WASF2: variants seen among roughly 807,000 people sequenced by gnomAD.
WASF2 encodes the protein WASP family member 2.
Under a neutral mutation model 45.0 loss-of-function variants are expected in WASF2, and 14 were observed. The ratio of observed to expected loss-of-function variants is 0.31; its 90% CI spans 0.21 to 0.49. The LOEUF is 0.49. Among genes scored for constraint, WASF2 ranks in the 20% least tolerant of loss-of-function variants. WASF2 has a pLI of 0.99. For missense variants in WASF2, 439 were observed against 636.1 expected, an observed-to-expected ratio of 0.69 and a Z score of 3.33; for synonymous variants, 200 against 236.3, an observed-to-expected ratio of 0.85 and a Z score of 1.41.
chr1:27,432,647 C>CAA (rs558826790), intron 1 of WASF2, among the ~76,000 whole-genome samples: 2,535 of 51,326 alleles, frequency 0.049, 618 homozygotes, highest in African/African-American at 0.2. Flanking sequence ...AACTCTGTCT[C>CAA]AAAAAAAAAA....
chr1:27,455,938 GC>G (rs2017460435), intron 1 of WASF2, among the ~76,000 whole-genome samples: 1 of 152,124 alleles, frequency 6.6e-6, no homozygotes, highest in South Asian at 2.1e-4. Flanking sequence ...GTGCTAAGCA[GC>G]CCTTCTGTCA....
intron 1 of WASF2, among the ~76,000 whole-genome samples, chr1:27,480,885 T>G (rs1468811489): frequency 6.6e-6 from 1 of 151,106 alleles, no homozygotes; most frequent in Non-Finnish European, 1.5e-5. Context: ...GGCAGGCGCC[T>G]GTAGTCCCAG....
In WASF2 at chr1:27,419,133, G is replaced by A. The variant is rs761365846; in HGVS notation, c.131-45C>T. 25 of 1,602,544 alleles carry A rather than the reference G, an allele frequency of 1.6e-5. No individual in the cohort carries two copies. In the South Asian group the frequency reaches 2.0e-4, roughly 13 times the overall value. On this transcript the variant is annotated intron_variant, in intron 2 of 8. Coordinates refer to ENST00000618852, the MANE Select transcript of WASF2 (RefSeq NM_006990.5). ...CAAGTCACTAGTGCATAGAAGTAACGTAAATGGTCACAAAAACTGGCTACT... is the reference window on the plus strand; with the variant it reads ...CAAGTCACTAGTGCATAGAAGTAACATAAATGGTCACAAAAACTGGCTACT...
At position 27,409,970 on chromosome 1, in the gene WASF2, G is replaced by C; in HGVS notation, c.1061C>G (p.Ser354Cys). 6.2e-7 allele frequency: 1 copy of C among 1,613,164 alleles called. No homozygotes were observed. The highest frequency in any genetic ancestry group is 2.2e-5 in the East Asian group (1 of 44,848). Residue 354 changes from serine (S) to cysteine (C), a missense_variant, in exon 8 of 9, where the codon TCT becomes TGT. Coordinates refer to ENST00000618852, the MANE Select transcript of WASF2 (RefSeq NM_006990.5). ...PGTPPPPSPP[S>C]FPPHPDFAAP... ...AGCAAAATCAGGGTGAGGTGGGAAA[G>C]ATGGGGGTGAGGGTGGTGGAGGCGT...
chr1:27,433,356 C>T (rs188074303), intron 1 of WASF2, among the ~76,000 whole-genome samples: 2 of 152,140 alleles, frequency 1.3e-5, no homozygotes, highest in African/African-American at 2.4e-5. Context: ...CACCATTCTA[C>T]GCGTACTGGA....
At chr1:27,429,989 G>A (rs1441045468) in intron 1 of WASF2, among the ~76,000 whole-genome samples, 3 of 152,090 alleles carry the variant, frequency 2.0e-5, no homozygotes, top group Non-Finnish European at 4.4e-5. Flanking sequence ...ACACACCTGG[G>A]CCAAAAGGCT....
rs1333516915 is a variant in WASF2, at chr1:27,405,618, T to C, written c.*2571A>G. The C allele has an allele frequency of 7.2e-6, 1 of 138,006 alleles. No homozygotes were observed. The highest frequency in any genetic ancestry group is 1.6e-5 in the Non-Finnish European group (1 of 64,502). The allele number at this position is 138,006 out of a possible 1,614,324, so 8.5% of individuals were successfully genotyped here. ...AGAAGCCTTTTTTTTTTTTTTTTTT[T>C]TTTTTTTTTTTTTGGTGCATATGCA... On this transcript the variant is annotated 3_prime_UTR_variant, in exon 9 of 9. Coordinates refer to ENST00000618852, the MANE Select transcript of WASF2 (RefSeq NM_006990.5).
chr1:27,465,143 A>G (rs958259600), intron 1 of WASF2, among the ~76,000 whole-genome samples: 2 of 152,220 alleles, frequency 1.3e-5, no homozygotes, highest in Non-Finnish European at 2.9e-5. Flanking sequence ...CTTCTCAAAT[A>G]TCTTTCTAAA....
At chr1:27,488,172 T>A (rs534484926) in intron 1 of WASF2, among the ~76,000 whole-genome samples, 1 of 152,236 alleles carries the variant, frequency 6.6e-6, no homozygotes, top group East Asian at 1.9e-4. Context: ...CCTCTTCCAA[T>A]TTTCTTCTCC....
intron 2 of WASF2, among the ~76,000 whole-genome samples, chr1:27,420,867 T>C (rs114747138): frequency 0.019 from 2,827 of 152,236 alleles, 87 homozygotes; most frequent in African/African-American, 0.064. Context: ...CATAAGAGAC[T>C]GTGCCCAATC....
At chr1:27,421,793 G>A (rs971135866) in intron 2 of WASF2, among the ~76,000 whole-genome samples, 2 of 151,496 alleles carry the variant, frequency 1.3e-5, no homozygotes, top group Admixed American at 6.6e-5. Context: ...TCTAGCCTAG[G>A]TGAGACAGCG....
chr1:27,482,997 C>T (rs1257720240), intron 1 of WASF2, among the ~76,000 whole-genome samples: 1 of 152,062 alleles, frequency 6.6e-6, no homozygotes, highest in African/African-American at 2.4e-5. Context: ...CCTGGTCGGA[C>T]CATGAAATGG....
rs1426963536 is a variant in WASF2, at chr1:27,410,111, C to T, written c.920G>A (p.Gly307Asp). The change falls in exon 8 of 9, where the codon GGC (glycine) becomes GAC (aspartate). Residue 307 changes from glycine (G) to aspartate (D), a missense_variant. Coordinates refer to ENST00000618852, the MANE Select transcript of WASF2 (RefSeq NM_006990.5). This position sits in a 1 kb window ranked among gnomAD's most constrained non-coding sequence, Gnocchi z 4.2. ...CCCGGGTTTAGGGCCTGGTGGAGAGCCTAGAGGAGGAGCTGGTGGTGGATG... is the reference window on the plus strand; with the variant it reads ...CCCGGGTTTAGGGCCTGGTGGAGAGTCTAGAGGAGGAGCTGGTGGTGGATG... ...PSHPPPAPPL[G>D]SPPGPKPGFA... The T allele has an allele frequency of 6.2e-7, 1 of 1,613,562 alleles. No homozygotes were observed.
intron 1 of WASF2, among the ~76,000 whole-genome samples, chr1:27,459,783 C>G (rs891842055): frequency 6.6e-6 from 1 of 152,144 alleles, no homozygotes; most frequent in Non-Finnish European, 1.5e-5. Context: ...TGTCCCACCC[C>G]CTATCACCCT....
chr1:27,451,262 C>A (rs934034791), intron 1 of WASF2, among the ~76,000 whole-genome samples: 3 of 152,006 alleles, frequency 2.0e-5, no homozygotes, highest in Non-Finnish European at 4.4e-5. Flanking sequence ...ATGTTAAGTT[C>A]AAGGTATAAT....
chr1:27,489,913 C>G (rs2018007379), intron 1 of WASF2, 73 bp downstream of exon 1: 1 of 152,170 alleles, frequency 6.6e-6, no homozygotes, highest in Non-Finnish European at 1.5e-5. Context: ...AGACCCTGCA[C>G]GGCTCGGGAA....
At chr1:27,423,860 G>A (rs2016941017) in intron 2 of WASF2, among the ~76,000 whole-genome samples, 1 of 152,138 alleles carries the variant, frequency 6.6e-6, no homozygotes, top group African/African-American at 2.4e-5. Context: ...GGGAGTCTTG[G>A]AGCTCCCCAA....
intron 1 of WASF2, among the ~76,000 whole-genome samples, chr1:27,458,305 TCTTAAAAA>T (rs1205192236): frequency 1.2e-5 from 1 of 80,674 alleles, no homozygotes; most frequent in Non-Finnish European, 2.5e-5. Context: ...AGAGCGAGAT[TCTTAAAAA>T]AAAAAAAAAA....
Position 27,414,689 on chromosome 1 carries a change from T to C in WASF2, c.668+144A>G, listed in dbSNP as rs2016805107. On this transcript the variant is annotated intron_variant, in intron 6 of 8. Coordinates refer to ENST00000618852, the MANE Select transcript of WASF2 (RefSeq NM_006990.5). The surrounding 1 kb of genome is among the most constrained non-coding windows in gnomAD (Gnocchi z 4.1). Reference sequence around the variant, plus strand: ...ATTTTCATCACCAGATGGATGCACTTTAAAGTAGCTGATTAACAGTGGTAT... The same window carrying C: ...ATTTTCATCACCAGATGGATGCACTCTAAAGTAGCTGATTAACAGTGGTAT... 8.8e-7 allele frequency: 1 copy of C among 1,130,196 alleles called. No homozygotes were observed. The highest frequency in any genetic ancestry group is 1.8e-5 in the South Asian group (1 of 54,940). 70.0% of individuals were successfully genotyped at this position (1,130,196 alleles called of 1,614,324 possible). A position where few individuals can be genotyped will look rare whatever the true frequency, so the allele number is the denominator to read the frequency against.
Sources: allele counts gnomAD v4.1 joint callset (sites outside exome capture counted in the v4.1 genomes callset), GRCh38; gene constraint gnomAD v4.1.1; non-coding constraint Gnocchi (gnomAD v3.1); transcripts MANE v1.5; gene names NCBI Gene and HGNC (gene_info 2026-07-23, HGNC 2026-07-21).